The following TGFBR3 variants were observed in gnomAD, a reference collection of about 807,000 sequenced individuals.
TGFBR3 encodes transforming growth factor beta receptor type 3.
In TGFBR3, 46 loss-of-function variants were observed where a neutral mutation model predicts 87.9. The ratio of observed to expected loss-of-function variants is 0.52; its 90% CI spans 0.41 to 0.67. The LOEUF (loss-of-function observed/expected upper bound fraction) is 0.67. Among genes scored for constraint, TGFBR3 ranks in the 30% least tolerant of loss-of-function variants. The pLI, the probability that TGFBR3 is intolerant of heterozygous loss-of-function variation, is 0.00. For synonymous variants in TGFBR3, 381 were observed against 391.6 expected (o/e 0.97, Z 0.32); for missense variants, 866 against 1,041.9 (o/e 0.83, Z 2.32).
intron 1 of TGFBR3, among the ~76,000 whole-genome samples, chr1:91,872,700 T>G (rs907432394): frequency 3.3e-5 from 5 of 152,162 alleles, no homozygotes; most frequent in Non-Finnish European, 7.3e-5. Flanking sequence ...AGCTCTTTTC[T>G]TTAACGTTGT....
At chr1:91,877,590 C>G (rs1678854241) in intron 1 of TGFBR3, among the ~76,000 whole-genome samples, 1 of 152,148 alleles carries the variant, frequency 6.6e-6, no homozygotes, top group Non-Finnish European at 1.5e-5. Flanking sequence ...CCTGGAACGT[C>G]TTAGAGAACA....
At chr1:91,796,868 T>C (rs1675402026) in intron 3 of TGFBR3, among the ~76,000 whole-genome samples, 1 of 151,976 alleles carries the variant, frequency 6.6e-6, no homozygotes, top group Non-Finnish European at 1.5e-5. Flanking sequence ...ATGTGCTAAC[T>C]ACCACACCCT....
chr1:91,855,968 T>G (rs1433624478), intron 2 of TGFBR3, among the ~76,000 whole-genome samples: 1 of 152,042 alleles, frequency 6.6e-6, no homozygotes, highest in Admixed American at 6.6e-5. Context: ...GGCATTATGG[T>G]CCTTACACAG....
chr1:91,825,970 C>A (rs1484212231), intron 2 of TGFBR3, among the ~76,000 whole-genome samples: 16 of 53,060 alleles, frequency 3.0e-4, no homozygotes, highest in African/African-American at 1.1e-3. Context: ...GAGAGTGAGA[C>A]CCCATCTCAA....
upstream of TGFBR3, among the ~76,000 whole-genome samples, chr1:91,890,576 C>T (rs2479873): frequency 4.6e-5 from 7 of 151,902 alleles, no homozygotes; most frequent in South Asian, 4.2e-4. Flanking sequence ...CACGCCACCA[C>T]GCCCTGCTAA....
rs1459554710 is a variant in TGFBR3, at chr1:91,708,668, G to C, written c.2282C>G (p.Ser761Cys). ...TCGTGCCTCCCAAAGCACACCTTTA[G>C]ATTCTGCTTCATGGTGGATCACAGC... is the stretch of plus-strand genomic sequence containing the variant. ...PLAVIHHEAE[S>C]KEKGPSMKEP... The change falls in exon 14 of 17, where the codon TCT becomes TGT. Residue 761 changes from serine (S) to cysteine (C), a missense_variant. Ser to Cys is a moderately radical substitution (Grantham distance 112). Coordinates refer to ENST00000212355, the MANE Select transcript of TGFBR3 (RefSeq NM_003243.5). The C allele has an allele frequency of 6.2e-7, 1 of 1,613,970 alleles. No individual in the cohort carries two copies. The highest frequency in any genetic ancestry group is 8.5e-7 in the Non-Finnish European group (1 of 1,179,944).
chr1:91,875,192 C>T (rs574243871), intron 1 of TGFBR3, among the ~76,000 whole-genome samples: 5 of 152,164 alleles, frequency 3.3e-5, no homozygotes, highest in African/African-American at 1.2e-4. Context: ...AACATTCTCA[C>T]GAGGCAGCAA....
Position 91,835,827 on chromosome 1 carries a change from C to CAAAAAA in TGFBR3, c.61+25638_61+25643dup, listed in dbSNP as rs57326419. On this transcript the variant is annotated intron_variant, in intron 2 of 16. Coordinates refer to ENST00000212355, the MANE Select transcript of TGFBR3 (RefSeq NM_003243.5). The stretch of plus-strand genomic sequence containing the variant: ...TGGGTGACAGAGCGAGACTCCACCT[C>CAAAAAA]AAAAAAAAAAAAAAAAAAAAAAAAA... 3.3e-4 allele frequency among the ~76,000 whole-genome samples: 25 copies of CAAAAAA among 74,770 alleles called. 2 individuals carry two copies. Among genetic ancestry groups the CAAAAAA allele is most frequent in the African/African-American group, 3.7e-4 (9 of 24,146 alleles). The allele number at this position is 74,770 out of a possible 152,430, so 49.1% of individuals were successfully genotyped here.
chr1:91,728,014 ATAAT>A, intron 6 of TGFBR3: 1 of 601,862 alleles, frequency 1.7e-6, no homozygotes, highest in South Asian at 2.0e-5. Context: ...ATGCTTGCTG[ATAAT>A]TAGTCACTAA....
intron 12 of TGFBR3, 152 bp from the exon 13 acceptor site, chr1:91,712,694 C>CAAAGTA: frequency 1.4e-6 from 1 of 694,210 alleles, no homozygotes; most frequent in African/African-American, 1.8e-5. Flanking sequence ...ACAAAAGTAA[C>CAAAGTA]ACACACACAT....
intron 4 of TGFBR3, among the ~76,000 whole-genome samples, chr1:91,741,533 C>A (rs1179978242): frequency 6.6e-6 from 1 of 152,146 alleles, no homozygotes; most frequent in Non-Finnish European, 1.5e-5. Flanking sequence ...AATCTCCAGC[C>A]CTTCTCCCCT....
intron 2 of TGFBR3, among the ~76,000 whole-genome samples, chr1:91,845,878 AC>A (rs1476600476): frequency 1.3e-5 from 2 of 152,176 alleles, no homozygotes; most frequent in African/African-American, 4.8e-5. Context: ...AACATTTAAC[AC>A]TTAAAACCTG....
At chr1:91,804,535 G>A (rs980353061) in intron 2 of TGFBR3, among the ~76,000 whole-genome samples, 2 of 152,184 alleles carry the variant, frequency 1.3e-5, no homozygotes, top group African/African-American at 4.8e-5. Flanking sequence ...CACAATGCCA[G>A]GGCCAGCTCC....
At chr1:91,710,372 C>G (rs1671937333) in intron 13 of TGFBR3, among the ~76,000 whole-genome samples, 1 of 152,124 alleles carries the variant, frequency 6.6e-6, no homozygotes. Flanking sequence ...TTGCATTTTG[C>G]TTTCCTGTTT....
At chr1:91,842,264 A>G (rs1677316457) in intron 2 of TGFBR3, among the ~76,000 whole-genome samples, 1 of 152,200 alleles carries the variant, frequency 6.6e-6, no homozygotes, top group African/African-American at 2.4e-5. Flanking sequence ...GCTACGAGGA[A>G]AAACAGAGCA....
At chr1:91,717,689 T>TAA (rs199786596) in intron 10 of TGFBR3, among the ~76,000 whole-genome samples, 24,492 of 135,998 alleles carry the variant, frequency 0.18, 2,568 homozygotes, top group East Asian at 0.38. Context: ...GGAAGAAAAT[T>TAA]AAAAAAAAAA....
chr1:91,682,049 A>C lies in TGFBR3; in HGVS notation c.*1690T>G. ...TTAGTTAAAATGTTCCTTATTGAAAAAAAAAAATGTTCCTTATTGAATGTG... is the reference window on the plus strand; with the variant it reads ...TTAGTTAAAATGTTCCTTATTGAAACAAAAAAATGTTCCTTATTGAATGTG... On this transcript the variant is annotated 3_prime_UTR_variant, in exon 17 of 17. Coordinates refer to ENST00000212355, the MANE Select transcript of TGFBR3 (RefSeq NM_003243.5). 2.2e-6 allele frequency: 1 copy of C among 454,010 alleles called. No individual in the cohort carries two copies. Among genetic ancestry groups the C allele is most frequent in the South Asian group, 1.6e-5 (1 of 64,442 alleles). The allele number at this position is 454,010 out of a possible 1,614,324, so 28.1% of individuals were successfully genotyped here.
chr1:91,839,326 T>C (rs1276164496), intron 2 of TGFBR3, among the ~76,000 whole-genome samples: 1 of 152,222 alleles, frequency 6.6e-6, no homozygotes, highest in Non-Finnish European at 1.5e-5. Context: ...TCTTTACTAT[T>C]ACACCTAAAC....
At chr1:91,762,737 AT>A (rs1235414496) in intron 3 of TGFBR3, among the ~76,000 whole-genome samples, 2 of 152,364 alleles carry the variant, frequency 1.3e-5, no homozygotes, top group East Asian at 3.8e-4. Context: ...AAAAGAGTTA[AT>A]TGGTCTAACC....
Sources: gnomAD v4.1 joint callset for allele counts (sites outside exome capture counted in the v4.1 genomes callset) on GRCh38, gnomAD v4.1.1 for gene constraint, MANE v1.5 for transcripts, NCBI Gene and HGNC (gene_info 2026-07-23, HGNC 2026-07-21) for gene names.